RIC1: variants seen among roughly 807,000 people sequenced by gnomAD.
RIC1 encodes RIC1 partner of RAB6A GEF complex.
A neutral mutation model predicts 169.0 loss-of-function variants in RIC1; 88 were observed. The observed-to-expected ratio is 0.52, with a 90% CI of 0.44 to 0.62. The LOEUF (loss-of-function observed/expected upper bound fraction) is 0.62. RIC1 is among the 20% of genes least tolerant of loss of function. The pLI is 0.00. For missense variants in RIC1, 1,877 were observed against 1,725.5 expected (o/e 1.09, Z -1.56); for synonymous variants, 790 against 601.5 (o/e 1.31, Z -4.59).
chr9:5,746,157 T>C, intron 11 of RIC1, 74 bp downstream of exon 11: 1 of 1,136,154 alleles, frequency 8.8e-7, no homozygotes, highest in East Asian at 2.4e-5. Context: ...ATGACATATG[T>C]ATGGCGTATA....
rs1290938735 is a variant in RIC1 at position 5,756,230 on chromosome 9, A to C, written c.1711A>C (p.Thr571Pro). ...TCTTCAGCTTAGAGTATACTTGCGA[A>C]CATCAAATCTGGACAATGCCTTTGC... The part of the protein sequence containing the change: ...RQEELRVYLR[T>P]SNLDNAFAHV... Residue 571 changes from threonine (T) to proline (P), a missense_variant, in exon 16 of 26, where the codon ACA (threonine) becomes CCA (proline). By Grantham distance (38) the Thr-to-Pro change is conservative. This residue lies in a region of RIC1 where 1,104 missense variants were observed against 992.0 expected (regional missense o/e 1.11). Coordinates refer to ENST00000414202, the MANE Select transcript of RIC1 (RefSeq NM_020829.4). The C allele has an allele frequency of 1.3e-6, 2 of 1,572,520 alleles. No individual in the cohort carries two copies. Among genetic ancestry groups the C allele is most frequent in the East Asian group, 2.3e-5 (1 of 43,690 alleles).
chr9:5,775,168 A>T lies in RIC1; in HGVS notation c.*922A>T, dbSNP rs935721968. 3.9e-5 allele frequency: 6 copies of T among 152,204 alleles called. No individual in the cohort carries two copies. Among genetic ancestry groups the T allele is most frequent in the Admixed American group, 1.3e-4 (2 of 15,278 alleles). The allele number at this position is 152,204 out of a possible 1,614,324, so 9.4% of individuals were successfully genotyped here. A position where few individuals can be genotyped will look rare whatever the true frequency, so the allele number is the denominator to read the frequency against. ...GGTCACACTGATCATGAAATGCAGCAAGTTTTGTGCAAATTAACATAGTCT... is the reference window on the plus strand; with the variant it reads ...GGTCACACTGATCATGAAATGCAGCTAGTTTTGTGCAAATTAACATAGTCT... On this transcript the variant is annotated 3_prime_UTR_variant, in exon 26 of 26. Coordinates refer to ENST00000414202, the MANE Select transcript of RIC1 (RefSeq NM_020829.4).
At chr9:5,714,291 A>G (rs1464879432) in intron 4 of RIC1, among the ~76,000 whole-genome samples, 1 of 152,214 alleles carries the variant, frequency 6.6e-6, no homozygotes, top group Non-Finnish European at 1.5e-5. Context: ...CATATTTCCC[A>G]AAACAATACT....
intron 1 of RIC1, among the ~76,000 whole-genome samples, chr9:5,637,931 T>G (rs1326821862): frequency 6.6e-6 from 1 of 152,222 alleles, no homozygotes; most frequent in Non-Finnish European, 1.5e-5. Context: ...GTTCCAGATC[T>G]TAGAGGAAAG....
At chr9:5,675,386 CA>C (rs1183601875) in intron 2 of RIC1, among the ~76,000 whole-genome samples, 2 of 151,900 alleles carry the variant, frequency 1.3e-5, no homozygotes, top group Admixed American at 6.6e-5. Flanking sequence ...AAGTAGAAGG[CA>C]AAGAATTGAA....
chr9:5,694,818 A>G (rs1821794374), intron 3 of RIC1, among the ~76,000 whole-genome samples: 1 of 150,252 alleles, frequency 6.7e-6, no homozygotes, highest in Non-Finnish European at 1.5e-5. Context: ...TGGTTCTATG[A>G]AAAGTCTGGT....
At chr9:5,770,711 A>G (rs1022195236) in intron 23 of RIC1, among the ~76,000 whole-genome samples, 14 of 152,282 alleles carry the variant, frequency 9.2e-5, no homozygotes, top group East Asian at 5.8e-4. Flanking sequence ...TATTTCATCA[A>G]TAAAAATTGT....
rs1350780519 is a variant in RIC1, at chr9:5,747,512, CT to C, written c.1452+10del. 8.1e-6 allele frequency: 13 copies of C among 1,604,514 alleles called. No homozygotes were observed. The highest frequency in any genetic ancestry group is 9.4e-6 in the Non-Finnish European group (11 of 1,171,404). On this transcript the variant is annotated splice_region_variant and intron_variant, in intron 12 of 25. Transcript: ENST00000414202. ...GCATTGGCATGTTGTACAGGTAAAT[CT>C]TTAGTTACTGATTACTAGAGACTTA...
At position 5,774,487 on chromosome 9, in the gene RIC1, G is replaced by T. The variant is rs1216135125; in HGVS notation, c.*241G>T. On this transcript the variant is annotated 3_prime_UTR_variant, in exon 26 of 26. Coordinates refer to ENST00000414202, the MANE Select transcript of RIC1 (RefSeq NM_020829.4). ...AGTGAAAAGTAAATATTGTACAGATGTACATGAGAATATTTTGGTTTTACT... is the reference window on the plus strand; with the variant it reads ...AGTGAAAAGTAAATATTGTACAGATTTACATGAGAATATTTTGGTTTTACT... The T allele has an allele frequency of 2.9e-6, 1 of 341,384 alleles. No homozygotes were observed. Among genetic ancestry groups the T allele is most frequent in the African/African-American group, 2.1e-5 (1 of 47,936 alleles). 21.1% of individuals were successfully genotyped at this position (341,384 alleles called of 1,614,324 possible).
chr9:5,766,640 C>A (rs554881119), intron 21 of RIC1, among the ~76,000 whole-genome samples: 2 of 152,314 alleles, frequency 1.3e-5, no homozygotes, highest in East Asian at 3.9e-4. Flanking sequence ...GAATAATACT[C>A]TCCAATCTCA....
At chr9:5,648,548 G>C (rs78007894) in intron 1 of RIC1, among the ~76,000 whole-genome samples, 1 of 152,134 alleles carries the variant, frequency 6.6e-6, no homozygotes, top group Non-Finnish European at 1.5e-5. Flanking sequence ...CTAACAGTGG[G>C]ATTGCTGGAT....
chr9:5,705,775 G>A (rs150776890), intron 3 of RIC1, among the ~76,000 whole-genome samples: 3 of 152,216 alleles, frequency 2.0e-5, no homozygotes, highest in African/African-American at 4.8e-5. Context: ...TTAGCTGTGC[G>A]CTTTATCATA....
At chr9:5,699,315 G>A (rs562714848) in intron 3 of RIC1, among the ~76,000 whole-genome samples, 31 of 152,282 alleles carry the variant, frequency 2.0e-4, no homozygotes, top group African/African-American at 7.5e-4. Flanking sequence ...GAGCGAGTGT[G>A]GGGTATGTGT....
chr9:5,718,713 A>AAT (rs1823415991), intron 4 of RIC1, among the ~76,000 whole-genome samples: 1 of 152,248 alleles, frequency 6.6e-6, no homozygotes. Flanking sequence ...TTATCACTGA[A>AAT]ATATAAATTT....
rs777367953 is a variant in RIC1, at chr9:5,763,271, T to C, written c.2244T>C (p.Val748=). 9.9e-6 allele frequency: 16 copies of C among 1,614,150 alleles called. No homozygotes were observed. The South Asian group carries it at 1.1e-4, about 11-fold the overall frequency. The change falls in exon 19 of 26, where the codon GTT becomes GTC. Residue 748 remains valine (V), a synonymous_variant. Coordinates refer to ENST00000414202, the MANE Select transcript of RIC1 (RefSeq NM_020829.4). The surrounding 1 kb of genome is among the most constrained non-coding windows in gnomAD (Gnocchi z 5.2). ...GCTGTGGTGGTGCAGGGATGAAAGT[T>C]TGGCTCCCTCTCTTCCCTAGGGATC... The part of the protein sequence containing the change: ...WLSCGGAGMK[V]WLPLFPRDHR...
chr9:5,770,299 T>C, intron 23 of RIC1, 21 bp downstream of exon 23: 1 of 1,596,098 alleles, frequency 6.3e-7, no homozygotes, highest in Non-Finnish European at 8.6e-7. Flanking sequence ...TTTTAAATCC[T>C]AGCTCTTCAG....
rs1554673860 is a variant in RIC1 at position 5,722,348 on chromosome 9, A to AGTGTGTGTGT, written c.720+1623_720+1632dup. Among the ~76,000 whole-genome samples, 1,219 of 131,304 alleles carry AGTGTGTGTGT rather than the reference A, an allele frequency of 9.3e-3. 26 individuals carry two copies. Among genetic ancestry groups the AGTGTGTGTGT allele is most frequent in the African/African-American group, 0.034 (1,168 of 34,822 alleles). The allele number at this position is 131,304 out of a possible 152,430, so 86.1% of individuals were successfully genotyped here. A position where few individuals can be genotyped will look rare whatever the true frequency, so the allele number is the denominator to read the frequency against. ...CTTGCAAAAACTATAAGAGAGAGAG[A>AGTGTGTGTGT]GTGTGTGTGTGTGTGTGTGTGTGTG... On this transcript the variant is annotated intron_variant, in intron 6 of 25. Transcript: ENST00000414202.
chr9:5,653,663 T>C (rs571411162), intron 1 of RIC1, among the ~76,000 whole-genome samples: 11 of 152,236 alleles, frequency 7.2e-5, no homozygotes, highest in Non-Finnish European at 1.3e-4. Context: ...AATGGCGCAG[T>C]CTTGGCTCAC....
chr9:5,707,659 G>GT (rs947937243), intron 3 of RIC1, among the ~76,000 whole-genome samples: 3 of 151,714 alleles, frequency 2.0e-5, no homozygotes, highest in South Asian at 2.1e-4. Context: ...AAAGTCTTTT[G>GT]TTTTTTTGTT....
Sources: gnomAD v4.1 joint callset for allele counts (sites outside exome capture counted in the v4.1 genomes callset) on GRCh38, gnomAD v4.1.1 for gene constraint, gnomAD v4.1.1 regional missense constraint, Gnocchi (gnomAD v3.1) non-coding constraint, MANE v1.5 for transcripts, NCBI Gene and HGNC (gene_info 2026-07-23, HGNC 2026-07-21) for gene names.